Variants in RMND5A observed in about 807,000 individuals in gnomAD.
RMND5A encodes required for meiotic nuclear division 5 homolog A.
A neutral mutation model predicts 49.7 loss-of-function variants in RMND5A; 17 were observed. That is an observed-to-expected ratio of 0.34 (90% CI 0.23 to 0.51). The LOEUF (loss-of-function observed/expected upper bound fraction) is 0.51. RMND5A is among the 20% of genes least tolerant of loss of function. The pLI, the probability that RMND5A is intolerant of heterozygous loss-of-function variation, is 0.96. For synonymous variants in RMND5A, 156 were observed against 167.7 expected (o/e 0.93, Z 0.54); for missense variants, 255 against 471.3 (o/e 0.54, Z 4.25).
intron 2 of RMND5A, among the ~76,000 whole-genome samples, chr2:86,751,292 C>T (rs1410249530): frequency 6.6e-6 from 1 of 152,230 alleles, no homozygotes; most frequent in South Asian, 2.1e-4. Context: ...TGTGTAACAC[C>T]TGGTAGCCAA....
chr2:86,756,656 A>T (rs946499084), intron 4 of RMND5A, among the ~76,000 whole-genome samples: 1 of 152,218 alleles, frequency 6.6e-6, no homozygotes, highest in Non-Finnish European at 1.5e-5. Flanking sequence ...AGGTACAGAA[A>T]ATTCCCTTTA....
intron 2 of RMND5A, among the ~76,000 whole-genome samples, chr2:86,746,254 T>C (rs1681536384): frequency 6.6e-6 from 1 of 152,240 alleles, no homozygotes; most frequent in Non-Finnish European, 1.5e-5. Flanking sequence ...TGCTTTTAAA[T>C]TAATGAATAT....
intron 1 of RMND5A, among the ~76,000 whole-genome samples, chr2:86,740,649 G>T (rs1317540658): frequency 1.4e-5 from 2 of 145,714 alleles, no homozygotes; most frequent in Admixed American, 6.9e-5. Flanking sequence ...AAATAATACT[G>T]CCTTGACAGT....
Position 86,775,464 on chromosome 2 carries a change from G to T in RMND5A, c.*2053G>T, listed in dbSNP as rs1220623880. ...TGAGACAGATGTACTCTGAAGGCTG[G>T]TGGTAAATGTGTTTGATGACCAGAC... On this transcript the variant is annotated 3_prime_UTR_variant, in exon 9 of 9. Coordinates refer to ENST00000283632, the MANE Select transcript of RMND5A (RefSeq NM_022780.4). The T allele has an allele frequency of 6.6e-6, 1 of 151,734 alleles. No individual in the cohort carries two copies. Among genetic ancestry groups the T allele is most frequent in the Admixed American group, 6.6e-5 (1 of 15,204 alleles). 9.4% of individuals were successfully genotyped at this position (151,734 alleles called of 1,614,324 possible). A position where few individuals can be genotyped will look rare whatever the true frequency, so the allele number is the denominator to read the frequency against.
At chr2:86,728,915 A>G (rs1681312115) in intron 1 of RMND5A, among the ~76,000 whole-genome samples, 1 of 151,116 alleles carries the variant, frequency 6.6e-6, no homozygotes, top group Non-Finnish European at 1.5e-5. Flanking sequence ...ACCAGGCCTG[A>G]CTATTTTTTT....
intron 1 of RMND5A, among the ~76,000 whole-genome samples, chr2:86,734,771 T>C (rs1251161894): frequency 6.7e-6 from 1 of 149,630 alleles, no homozygotes; most frequent in Non-Finnish European, 1.5e-5. Flanking sequence ...TTATTTTTTG[T>C]ATTTTTCCTA....
chr2:86,770,503 A>G (rs1220613675), intron 7 of RMND5A, among the ~76,000 whole-genome samples: 1 of 152,204 alleles, frequency 6.6e-6, no homozygotes, highest in East Asian at 1.9e-4. Flanking sequence ...TGCTGTCGAT[A>G]AGATCACGAG....
chr2:86,748,563 A>G (rs181817016), intron 2 of RMND5A: 14 of 152,366 alleles, frequency 9.2e-5, no homozygotes, highest in African/African-American at 3.4e-4. Flanking sequence ...AGAGATACAC[A>G]TAGGGCATTG....
chr2:86,765,267 C>A (rs1672571139), intron 5 of RMND5A, 74 bp downstream of exon 5: 2 of 1,285,822 alleles, frequency 1.6e-6, no homozygotes, highest in African/African-American at 3.0e-5. Flanking sequence ...CAGTTCTTAA[C>A]TAGAGCTAAT....
At chr2:86,766,905 C>T (rs1251378339) in intron 6 of RMND5A, among the ~76,000 whole-genome samples, 1 of 152,104 alleles carries the variant, frequency 6.6e-6, no homozygotes, top group South Asian at 2.1e-4. Context: ...TTTCAGTACA[C>T]ATCATCTTAA....
intron 4 of RMND5A, among the ~76,000 whole-genome samples, chr2:86,759,141 A>G (rs1431046649): frequency 1.3e-5 from 2 of 152,212 alleles, no homozygotes; most frequent in African/African-American, 4.8e-5. Flanking sequence ...CAAAATTGTA[A>G]GATTAGAGAG....
intron 6 of RMND5A, among the ~76,000 whole-genome samples, chr2:86,769,450 C>T (rs149524671): frequency 4.6e-5 from 7 of 152,256 alleles, no homozygotes; most frequent in African/African-American, 1.4e-4. Context: ...GAAGTTATGT[C>T]TTGTATATTG....
chr2:86,740,783 A>G lies in RMND5A; in HGVS notation c.143-144A>G, dbSNP rs940146242. ...AGTATCCATTTGAAAAATCACATCTATGAATGTGACCATCAGCTTCAAAGC... is the reference window on the plus strand; with the variant it reads ...AGTATCCATTTGAAAAATCACATCTGTGAATGTGACCATCAGCTTCAAAGC... On this transcript the variant is annotated intron_variant, in intron 1 of 8. Coordinates refer to ENST00000283632, the MANE Select transcript of RMND5A (RefSeq NM_022780.4). 11 of 1,245,630 alleles carry G rather than the reference A, an allele frequency of 8.8e-6. No individual in the cohort carries two copies. In the Admixed American group the frequency reaches 1.0e-4, roughly 12 times the overall value. The allele number at this position is 1,245,630 out of a possible 1,614,324, so 77.2% of individuals were successfully genotyped here. A position where few individuals can be genotyped will look rare whatever the true frequency, so the allele number is the denominator to read the frequency against.
chr2:86,762,669 T>TATATATATATC (rs1470349679), intron 4 of RMND5A, among the ~76,000 whole-genome samples: 6 of 136,832 alleles, frequency 4.4e-5, no homozygotes, highest in African/African-American at 1.7e-4. Context: ...TTTTTTTATA[T>TATATATATATC]ATATATATAT....
chr2:86,733,745 GCCTGGGTTC>G (rs1169919320), intron 1 of RMND5A, among the ~76,000 whole-genome samples: 1 of 134,496 alleles, frequency 7.4e-6, no homozygotes, highest in Non-Finnish European at 1.5e-5. Context: ...CATGCATTGG[GCCTGGGTTC>G]CCTGGGTTTA....
intron 2 of RMND5A, among the ~76,000 whole-genome samples, chr2:86,741,645 G>C (rs1255036838): frequency 1.5e-5 from 2 of 131,584 alleles, no homozygotes; most frequent in Admixed American, 8.2e-5. Flanking sequence ...AGCCATCTTT[G>C]ACCTGGTGGT....
rs114865086 is a variant in RMND5A, at chr2:86,751,329, C to T, written c.286-567C>T. Reference sequence around the variant, plus strand: ...ATGGGACCTAGGAATTAGGTCTATTCCCTAGTTCAGTTTTCAAAATCTGTA... The same window carrying T: ...ATGGGACCTAGGAATTAGGTCTATTTCCTAGTTCAGTTTTCAAAATCTGTA... On this transcript the variant is annotated intron_variant, in intron 2 of 8. Coordinates refer to ENST00000283632, the MANE Select transcript of RMND5A (RefSeq NM_022780.4). Among the ~76,000 whole-genome samples the T allele has an allele frequency of 2.1e-3, 322 of 152,246 alleles. 1 individual carries two copies. Among genetic ancestry groups the T allele is most frequent in the African/African-American group, 7.1e-3 (293 of 41,544 alleles).
chr2:86,773,675 TTAATTATATGG>T lies in RMND5A; in HGVS notation c.*266_*276del. On this transcript the variant is annotated 3_prime_UTR_variant, in exon 9 of 9. Transcript: ENST00000283632. ...TGTCATTCAATGCAGGTTTTTGTAC[TTAATTATATGG>T]TGATTTTTTTACTTTTTAAGAGCAG... The T allele has an allele frequency of 3.5e-6, 1 of 288,112 alleles. No individual in the cohort carries two copies. The highest frequency in any genetic ancestry group is 6.4e-6 in the Non-Finnish European group (1 of 156,564). 17.8% of individuals were successfully genotyped at this position (288,112 alleles called of 1,614,324 possible). A position where few individuals can be genotyped will look rare whatever the true frequency, so the allele number is the denominator to read the frequency against.
intron 4 of RMND5A, among the ~76,000 whole-genome samples, chr2:86,758,217 A>G (rs1195929894): frequency 2.0e-5 from 3 of 152,230 alleles, no homozygotes; most frequent in Non-Finnish European, 4.4e-5. Flanking sequence ...CCTTCTAATC[A>G]CAGTTACTCT....
Sources: allele counts gnomAD v4.1 joint callset (sites outside exome capture counted in the v4.1 genomes callset), GRCh38; gene constraint gnomAD v4.1.1; transcripts MANE v1.5; gene names NCBI Gene and HGNC (gene_info 2026-07-23, HGNC 2026-07-21).